The following EPM2A variants were observed in gnomAD, a reference collection of about 807,000 sequenced individuals.
The protein encoded by EPM2A is laforin.
A neutral mutation model predicts 26.5 loss-of-function variants in EPM2A; 21 were observed. That is an observed-to-expected ratio of 0.79 (90% CI 0.56 to 1.14). The LOEUF is 1.14. Ranked by LOEUF, EPM2A falls within the 50% of genes most tolerant of loss-of-function variation. The pLI is 0.00. For missense variants in EPM2A, 458 were observed against 440.8 expected (o/e 1.04, Z -0.35); for synonymous variants, 217 against 177.6 (o/e 1.22, Z -1.76).
At chr6:145,414,758 A>G (rs1582737006) in intron 4 of EPM2A, among the ~76,000 whole-genome samples, 1 of 151,880 alleles carries the variant, frequency 6.6e-6, no homozygotes, top group East Asian at 1.9e-4. Flanking sequence ...TTCCTCCTCA[A>G]CCCTGAATCC....
chr6:145,401,372 C>A (rs1348526301), intron 4 of EPM2A, among the ~76,000 whole-genome samples: 2 of 152,132 alleles, frequency 1.3e-5, no homozygotes, highest in East Asian at 1.9e-4. Flanking sequence ...CCTAGAATGG[C>A]AAAGAGTGTT....
Position 145,626,907 on chromosome 6 carries a change from A to G in EPM2A, c.*509T>C. ...GGATAAAAAACAAGTCCTGAAAGCC[A>G]TCACTTTTTGACCATAGTGAGCTCT... On this transcript the variant is annotated 3_prime_UTR_variant, in exon 4 of 4. Transcript: ENST00000367519. 2.0e-6 allele frequency: 2 copies of G among 998,250 alleles called. No individual in the cohort carries two copies. The highest frequency in any genetic ancestry group is 1.0e-4 in the East Asian group (1 of 9,764). 61.8% of individuals were successfully genotyped at this position (998,250 alleles called of 1,614,324 possible). A position where few individuals can be genotyped will look rare whatever the true frequency, so the allele number is the denominator to read the frequency against.
intron 2 of EPM2A, among the ~76,000 whole-genome samples, chr6:145,578,262 T>C (rs555687951): frequency 6.6e-6 from 1 of 152,114 alleles, no homozygotes; most frequent in African/African-American, 2.4e-5. Flanking sequence ...ACAAGTTTTT[T>C]TGAAAAGATA....
chr6:145,425,242 C>T (rs570114201), intron 4 of EPM2A, among the ~76,000 whole-genome samples: 91 of 151,950 alleles, frequency 6.0e-4, no homozygotes, highest in Admixed American at 1.2e-3. Context: ...GGCGTGATCT[C>T]GGCTCACTGC....
chr6:145,563,164 T>C (rs1193232165), intron 2 of EPM2A, among the ~76,000 whole-genome samples: 4 of 151,542 alleles, frequency 2.6e-5, no homozygotes, highest in Non-Finnish European at 5.9e-5. Flanking sequence ...CAGGTGTGGT[T>C]GGGGCTGTAT....
chr6:145,480,171 G>C (rs535503126), intron 4 of EPM2A, among the ~76,000 whole-genome samples: 2 of 150,178 alleles, frequency 1.3e-5, no homozygotes, highest in Admixed American at 6.6e-5. Flanking sequence ...CTAAGACTGG[G>C]TAATTTATTT....
At chr6:145,713,280 G>A (rs1197114990) in intron 1 of EPM2A, among the ~76,000 whole-genome samples, 2 of 152,156 alleles carry the variant, frequency 1.3e-5, no homozygotes, top group Non-Finnish European at 2.9e-5. Context: ...TAGCCCATCT[G>A]AGGATTATCT....
intron 1 of EPM2A, among the ~76,000 whole-genome samples, chr6:145,734,055 A>T (rs529248524): frequency 0.012 from 615 of 51,102 alleles, 5 homozygotes; most frequent in African/African-American, 0.023. Context: ...ATGAAGTGTT[A>T]AAAAAAATGA....
chr6:145,609,105 A>G (rs1443868366), intron 2 of EPM2A, among the ~76,000 whole-genome samples: 1 of 152,212 alleles, frequency 6.6e-6, no homozygotes, highest in Non-Finnish European at 1.5e-5. Context: ...TTTAGTCAGA[A>G]GAGTAAGGAA....
At chr6:145,468,490 A>C (rs1413010967) in intron 4 of EPM2A, among the ~76,000 whole-genome samples, 2 of 152,158 alleles carry the variant, frequency 1.3e-5, no homozygotes, top group Non-Finnish European at 2.9e-5. Flanking sequence ...ACAAATGGAT[A>C]TATAACAAAT....
chr6:145,511,763 G>A (rs1252433312), intron 2 of EPM2A, among the ~76,000 whole-genome samples: 2 of 152,120 alleles, frequency 1.3e-5, no homozygotes, highest in Admixed American at 6.5e-5. Flanking sequence ...CCTAGCCAGA[G>A]CTATCAGGCA....
At chr6:145,669,887 T>C (rs1779520324) in intron 2 of EPM2A, among the ~76,000 whole-genome samples, 1 of 152,186 alleles carries the variant, frequency 6.6e-6, no homozygotes, top group Non-Finnish European at 1.5e-5. Context: ...CAAACCTAAA[T>C]CTTCTTTCTC....
intron 2 of EPM2A, among the ~76,000 whole-genome samples, chr6:145,674,729 A>G (rs1389247292): frequency 1.3e-5 from 2 of 152,262 alleles, no homozygotes; most frequent in Middle Eastern, 3.4e-3. Context: ...TAAGAAGACA[A>G]GATTAGAGAA....
chr6:145,391,207 T>C (rs1026116777), intron 4 of EPM2A, among the ~76,000 whole-genome samples: 4 of 152,188 alleles, frequency 2.6e-5, no homozygotes, highest in Non-Finnish European at 5.9e-5. Context: ...CTTTCTTTCC[T>C]AAGGGTTAAA....
rs924804073 is a variant in EPM2A, at chr6:145,608,654, A to T, written c.340+26591T>A. ...CATTTTTAAACAACAGACATGCAAA[A>T]GAAGAGCTGTTTGGGGGTCCTGGAT... On this transcript the variant is annotated intron_variant, in intron 2 of 3. Coordinates refer to the EPM2A transcript ENST00000450221. Among the ~76,000 whole-genome samples the T allele has an allele frequency of 2.6e-5, 4 of 152,192 alleles. No individual in the cohort carries two copies. In the East Asian group the frequency reaches 5.8e-4, roughly 22 times the overall value.
At chr6:145,672,355 T>C (rs1562470992) in intron 2 of EPM2A, among the ~76,000 whole-genome samples, 1 of 151,926 alleles carries the variant, frequency 6.6e-6, no homozygotes, top group Non-Finnish European at 1.5e-5. Flanking sequence ...ACGGTAACAA[T>C]AAAATTATAG....
At chr6:145,462,691 G>A (rs1372517210) in intron 4 of EPM2A, among the ~76,000 whole-genome samples, 4 of 152,106 alleles carry the variant, frequency 2.6e-5, no homozygotes, top group African/African-American at 9.7e-5. Flanking sequence ...TGTCCAAAAG[G>A]CAGTCTTCCT....
At chr6:145,653,665 G>A (rs532621820) in intron 2 of EPM2A, among the ~76,000 whole-genome samples, 13 of 152,286 alleles carry the variant, frequency 8.5e-5, no homozygotes, top group African/African-American at 2.9e-4. Flanking sequence ...TGCAGGGTAG[G>A]CTGGCAGCTG....
chr6:145,502,670 G>C, intron 2 of EPM2A: 1 of 446,274 alleles, frequency 2.2e-6, no homozygotes, highest in Non-Finnish European at 4.6e-6. Flanking sequence ...GAAACACCTT[G>C]AAAATAAACA....
Sources: allele counts gnomAD v4.1 joint callset (sites outside exome capture counted in the v4.1 genomes callset), GRCh38; gene constraint gnomAD v4.1.1; transcripts MANE v1.5; gene names NCBI Gene and HGNC (gene_info 2026-07-23, HGNC 2026-07-21).